MTRF1: variants seen among roughly 807,000 people sequenced by gnomAD.
MTRF1 encodes the protein mitochondrial translation release factor 1.
A neutral mutation model predicts 62.9 loss-of-function variants in MTRF1; 51 were observed. The observed-to-expected ratio is 0.81, with a 90% CI of 0.65 to 1.02. The LOEUF is 1.02. MTRF1 is among the 50% of genes least tolerant of loss of function. The pLI, the probability that MTRF1 is intolerant of heterozygous loss-of-function variation, is 0.00. For missense variants in MTRF1, 446 were observed against 530.0 expected (o/e 0.84, Z 1.56); for synonymous variants, 158 against 181.9 (o/e 0.87, Z 1.06).
At chr13:41,259,712 A>AAAAAAAAAAAAAAACAAAAAAAAAC (rs1555268029) in intron 2 of MTRF1, among the ~76,000 whole-genome samples, 1 of 136,714 alleles carries the variant, frequency 7.3e-6, no homozygotes, top group African/African-American at 2.8e-5. Flanking sequence ...AAAAAAAAAA[A>AAAAAAAAAAAAAAACAAAAAAAAAC]AAAAAAAAAC....
chr13:41,256,219 C>CCATA (rs1369608296), intron 2 of MTRF1, among the ~76,000 whole-genome samples: 1 of 152,022 alleles, frequency 6.6e-6, no homozygotes, highest in Non-Finnish European at 1.5e-5. Context: ...TGCCAGTGTG[C>CCATA]CATAGGGGCA....
intron 1 of MTRF1, chr13:41,263,275 C>A (rs527443051): frequency 4.6e-4 from 591 of 1,289,220 alleles, no homozygotes; most frequent in Middle Eastern, 1.3e-3. Context: ...TTAACTACAC[C>A]TGAGAACAGC....
chr13:41,238,262 T>G (rs1367257560), intron 6 of MTRF1, among the ~76,000 whole-genome samples: 2 of 152,140 alleles, frequency 1.3e-5, no homozygotes, highest in East Asian at 1.9e-4. Context: ...AAAGCATAGA[T>G]GCACTCAAAT....
chr13:41,271,418 G>A, the MTRF1 span, among the ~76,000 whole-genome samples: 1 of 152,120 alleles, frequency 6.6e-6, no homozygotes, highest in African/African-American at 2.4e-5. Flanking sequence ...CATTCTTAGA[G>A]TATTTGTTTC....
chr13:41,242,842 G>A (rs1334754618), intron 5 of MTRF1, among the ~76,000 whole-genome samples: 1 of 152,126 alleles, frequency 6.6e-6, no homozygotes, highest in East Asian at 1.9e-4. Context: ...CTGGCACTGT[G>A]CAAAGCTGAG....
chr13:41,218,969 T>C (rs1037704818), intron 9 of MTRF1, among the ~76,000 whole-genome samples: 1 of 152,232 alleles, frequency 6.6e-6, no homozygotes, highest in African/African-American at 2.4e-5. Context: ...TATATCACTT[T>C]GAGCAAAATA....
intron 5 of MTRF1, among the ~76,000 whole-genome samples, chr13:41,244,388 T>C (rs1006284641): frequency 3.2e-4 from 49 of 152,210 alleles, no homozygotes; most frequent in Admixed American, 6.5e-4. Context: ...TATGTCTTAG[T>C]GTTGGTCGTT....
chr13:41,281,266 G>A, the MTRF1 span, among the ~76,000 whole-genome samples: 2 of 152,314 alleles, frequency 1.3e-5, no homozygotes, highest in South Asian at 4.1e-4. Context: ...CCCGCTCACT[G>A]TTAGACATTA....
chr13:41,301,604 C>G, the MTRF1 span, among the ~76,000 whole-genome samples: 1 of 152,102 alleles, frequency 6.6e-6, no homozygotes, highest in Non-Finnish European at 1.5e-5. Context: ...AAGAATTAGC[C>G]GGATGTGGTG....
chr13:41,288,733 T>C, the MTRF1 span, among the ~76,000 whole-genome samples: 2 of 152,232 alleles, frequency 1.3e-5, no homozygotes, highest in Admixed American at 1.3e-4. Context: ...TTACTCGATT[T>C]TTTTTGTTTA....
the MTRF1 span, among the ~76,000 whole-genome samples, chr13:41,289,097 C>T: frequency 2.6e-5 from 4 of 151,758 alleles, no homozygotes; most frequent in African/African-American, 7.3e-5. Flanking sequence ...TGAAAAAGCT[C>T]GATGAGTGAG....
At chr13:41,301,747 C>CAA in the MTRF1 span, among the ~76,000 whole-genome samples, 537 of 131,828 alleles carry the variant, frequency 4.1e-3, 4 homozygotes, top group African/African-American at 0.014. Context: ...GACTCCGTCT[C>CAA]AAAAAAAAAA....
chr13:41,297,200 G>A, the MTRF1 span, among the ~76,000 whole-genome samples: 1 of 152,108 alleles, frequency 6.6e-6, no homozygotes, highest in Non-Finnish European at 1.5e-5. Flanking sequence ...TTGAAATACT[G>A]CTGATTCTTT....
chr13:41,277,491 A>C, the MTRF1 span, among the ~76,000 whole-genome samples: 1 of 152,150 alleles, frequency 6.6e-6, no homozygotes, highest in South Asian at 2.1e-4. Context: ...GGAAGAACCC[A>C]TCAGGTGGTT....
intron 5 of MTRF1, among the ~76,000 whole-genome samples, chr13:41,251,367 A>G (rs996182074): frequency 2.0e-5 from 3 of 152,138 alleles, no homozygotes; most frequent in African/African-American, 7.2e-5. Context: ...ATCTTATCAA[A>G]TCATATTCTT....
At position 41,252,688 on chromosome 13, in the gene MTRF1, T is replaced by C. The variant is rs1249625311; in HGVS notation, c.654A>G (p.Lys218=). The C allele has an allele frequency of 6.2e-7, 1 of 1,613,702 alleles. No homozygotes were observed. Among genetic ancestry groups the C allele is most frequent in the Admixed American group, 1.7e-5 (1 of 60,010 alleles). The change falls in exon 5 of 10, where the codon AAA becomes AAG. Residue 218 remains lysine (K), a synonymous_variant. Transcript: ENST00000379480. ...FDMYQNYSCY[K]HWQFELLNYT... ...AATTCAGAAGTTCAAATTGCCAGTG[T>C]TTATAGCACGAATAATTCTGGTACA...
the MTRF1 span, among the ~76,000 whole-genome samples, chr13:41,290,912 G>C: frequency 6.7e-6 from 1 of 149,714 alleles, no homozygotes. Context: ...GACCAACATG[G>C]AGAAACCCCG....
intron 9 of MTRF1, among the ~76,000 whole-genome samples, chr13:41,222,933 C>G (rs1049644503): frequency 6.6e-6 from 1 of 152,148 alleles, no homozygotes; most frequent in Non-Finnish European, 1.5e-5. Flanking sequence ...CTTTAAGTTG[C>G]TATATTCGTG....
chr13:41,245,982 G>GGCC (rs2038194490), intron 5 of MTRF1, among the ~76,000 whole-genome samples: 1 of 152,132 alleles, frequency 6.6e-6, no homozygotes, highest in Non-Finnish European at 1.5e-5. Context: ...TAGTGGATCT[G>GGCC]TTTTGAGAGG....
Sources: allele counts gnomAD v4.1 joint callset (sites outside exome capture counted in the v4.1 genomes callset), GRCh38; gene constraint gnomAD v4.1.1; transcripts MANE v1.5; gene names NCBI Gene and HGNC (gene_info 2026-07-23, HGNC 2026-07-21).